Variants in DPYSL3 observed in about 807,000 individuals in gnomAD.
DPYSL3 encodes dihydropyrimidinase like 3.
A neutral mutation model predicts 66.1 loss-of-function variants in DPYSL3; 16 were observed. The ratio of observed to expected loss-of-function variants is 0.24; its 90% CI spans 0.16 to 0.37. The LOEUF (loss-of-function observed/expected upper bound fraction) is 0.37. DPYSL3 is among the 10% of genes least tolerant of loss of function. The pLI, the probability that DPYSL3 is intolerant of heterozygous loss-of-function variation, is 1.00. For synonymous variants in DPYSL3, 338 were observed against 345.1 expected (o/e 0.98, Z 0.23); for missense variants, 738 against 916.2 (o/e 0.81, Z 2.51).
At position 147,405,684 on chromosome 5, in the gene DPYSL3, G is replaced by C. The variant is rs1009286976; in HGVS notation, c.1079C>G (p.Thr360Ser). The C allele has an allele frequency of 6.2e-7, 1 of 1,614,054 alleles. No homozygotes were observed. Among genetic ancestry groups the C allele is most frequent in the Non-Finnish European group, 8.5e-7 (1 of 1,179,962 alleles). The change falls in exon 8 of 14, where the codon ACC becomes AGC. Residue 360 changes from threonine (T) to serine (S), a missense_variant. Coordinates refer to ENST00000343218, the MANE Select transcript of DPYSL3 (RefSeq NM_001197294.2). The stretch of plus-strand genomic sequence containing the variant: ...CTTTGTGACGTAGAGAGGGCAATTG[G>C]TTTGGCTGGCAATGGTGATGGCACG... ...VFRAITIASQTNCPLYVTKVM... is the reference protein window; with the variant it reads ...VFRAITIASQSNCPLYVTKVM...
chr5:147,501,478 ATTTTTTT>A (rs749216433), intron 1 of DPYSL3, among the ~76,000 whole-genome samples: 6 of 91,080 alleles, frequency 6.6e-5, no homozygotes, highest in Non-Finnish European at 1.2e-4. Context: ...GGTGATAATG[ATTTTTTT>A]TTTTTTTTTT....
At chr5:147,508,256 A>AGGTT in intron 1 of DPYSL3, among the ~76,000 whole-genome samples, 1 of 152,316 alleles carries the variant, frequency 6.6e-6, no homozygotes, top group East Asian at 1.9e-4. Flanking sequence ...TAGTAGTCAA[A>AGGTT]GGTTGGTTGG....
intron 1 of DPYSL3, among the ~76,000 whole-genome samples, chr5:147,488,076 C>T (rs756305733): frequency 2.0e-5 from 3 of 152,142 alleles, no homozygotes; most frequent in African/African-American, 7.2e-5. Flanking sequence ...CTTTCCATTT[C>T]ATTGGTTTTA....
chr5:147,473,605 CTGTTT>C (rs1472976505), intron 1 of DPYSL3, among the ~76,000 whole-genome samples: 2 of 152,022 alleles, frequency 1.3e-5, no homozygotes, highest in Admixed American at 6.6e-5. Flanking sequence ...TTTGGGGGTT[CTGTTT>C]TGTTTTGTTT....
intron 2 of DPYSL3, among the ~76,000 whole-genome samples, chr5:147,423,120 T>C (rs976376079): frequency 1.3e-5 from 2 of 152,208 alleles, no homozygotes; most frequent in Non-Finnish European, 2.9e-5. Context: ...GCTTGCTACC[T>C]CTGAATAGAG....
intron 12 of DPYSL3, among the ~76,000 whole-genome samples, chr5:147,397,190 A>G (rs1387003683): frequency 6.8e-6 from 1 of 147,314 alleles, no homozygotes; most frequent in African/African-American, 2.5e-5. Context: ...ATATATATAT[A>G]CACACATATC....
chr5:147,504,611 A>G (rs926764783), intron 1 of DPYSL3, among the ~76,000 whole-genome samples: 1 of 152,216 alleles, frequency 6.6e-6, no homozygotes, highest in African/African-American at 2.4e-5. Context: ...GAGAACATCA[A>G]TTTCTCTGAG....
chr5:147,476,489 T>G (rs897423582), intron 1 of DPYSL3, among the ~76,000 whole-genome samples: 2 of 152,186 alleles, frequency 1.3e-5, no homozygotes, highest in African/African-American at 4.8e-5. Context: ...ACACTTTGGC[T>G]GCCTTATGGG....
chr5:147,500,075 T>A (rs370679053), intron 1 of DPYSL3, among the ~76,000 whole-genome samples: 12 of 152,278 alleles, frequency 7.9e-5, no homozygotes, highest in African/African-American at 2.6e-4. Context: ...ATGCAAACTA[T>A]AAAACTCCTA....
At chr5:147,427,914 G>T (rs770071154) in intron 1 of DPYSL3, among the ~76,000 whole-genome samples, 6 of 152,144 alleles carry the variant, frequency 3.9e-5, no homozygotes, top group Non-Finnish European at 8.8e-5. Flanking sequence ...TTGGAAAGGG[G>T]CCAGTTTCTG....
chr5:147,501,705 C>T (rs551688641), intron 1 of DPYSL3, among the ~76,000 whole-genome samples: 1 of 152,024 alleles, frequency 6.6e-6, no homozygotes, highest in African/African-American at 2.4e-5. Flanking sequence ...TCTCGAACTC[C>T]TGACCTGAGG....
chr5:147,441,349 CT>C (rs1000455108), intron 1 of DPYSL3, among the ~76,000 whole-genome samples: 4 of 152,182 alleles, frequency 2.6e-5, no homozygotes, highest in Admixed American at 2.6e-4. Flanking sequence ...TCCCCTAATC[CT>C]TGTGTCCTCA....
At chr5:147,418,126 T>A (rs1245359621) in intron 3 of DPYSL3, among the ~76,000 whole-genome samples, 1 of 152,204 alleles carries the variant, frequency 6.6e-6, no homozygotes, top group Non-Finnish European at 1.5e-5. Context: ...TATCCATAAC[T>A]TTTTAAGTCT....
At chr5:147,444,928 C>T (rs1019007853) in intron 1 of DPYSL3, among the ~76,000 whole-genome samples, 1 of 151,702 alleles carries the variant, frequency 6.6e-6, no homozygotes, top group Admixed American at 6.6e-5. Context: ...ACCAAGTTTG[C>T]TTTACAAATG....
At chr5:147,479,704 G>A (rs547339350) in intron 1 of DPYSL3, among the ~76,000 whole-genome samples, 1 of 152,226 alleles carries the variant, frequency 6.6e-6, no homozygotes, top group East Asian at 1.9e-4. Context: ...CTTGAAGCCT[G>A]TTCTCCACAT....
chr5:147,496,738 A>T (rs1221861137), intron 1 of DPYSL3, among the ~76,000 whole-genome samples: 2 of 151,926 alleles, frequency 1.3e-5, no homozygotes, highest in Non-Finnish European at 2.9e-5. Context: ...ATCATTAAAA[A>T]GTCAGGAAAC....
chr5:147,492,500 A>G (rs1018231184), intron 1 of DPYSL3, among the ~76,000 whole-genome samples: 12 of 152,164 alleles, frequency 7.9e-5, no homozygotes, highest in Non-Finnish European at 1.5e-4. Flanking sequence ...TATAATTGAA[A>G]TAAATGAAAG....
rs546235095 is a variant in DPYSL3 at position 147,392,218 on chromosome 5, T to C, written c.*1817A>G. ...GCTACATTTTCCCTTTTACTACATC[T>C]CCCTTAAAAGAAAAGCACTACAAGA... On this transcript the variant is annotated 3_prime_UTR_variant, in exon 14 of 14. Transcript: ENST00000343218. The C allele has an allele frequency of 6.6e-6, 1 of 152,296 alleles. No individual in the cohort carries two copies. The highest frequency in any genetic ancestry group is 2.1e-4 in the South Asian group (1 of 4,820). 9.4% of individuals were successfully genotyped at this position (152,296 alleles called of 1,614,324 possible).
chr5:147,441,959 T>A (rs916502379), intron 1 of DPYSL3, among the ~76,000 whole-genome samples: 4 of 152,174 alleles, frequency 2.6e-5, no homozygotes, highest in African/African-American at 9.7e-5. Context: ...CTTAAAACCC[T>A]CTAAGTTTTC....
Sources: gnomAD v4.1 joint callset for allele counts (sites outside exome capture counted in the v4.1 genomes callset) on GRCh38, gnomAD v4.1.1 for gene constraint, MANE v1.5 for transcripts, NCBI Gene and HGNC (gene_info 2026-07-23, HGNC 2026-07-21) for gene names.